Variants in CYTH2 observed in about 807,000 individuals in gnomAD.
The protein encoded by CYTH2 is cytohesin 2, also known as cytohesin-2.
CYTH2 carries 24 observed loss-of-function variants against 55.4 expected under a neutral mutation model. The observed-to-expected ratio is 0.43, with a 90% CI of 0.31 to 0.61. CYTH2 has a LOEUF of 0.61. Ranked by LOEUF, CYTH2 falls within the 20% of genes least tolerant of loss-of-function variation. The pLI, the probability that CYTH2 is intolerant of heterozygous loss-of-function variation, is 0.08. For missense variants in CYTH2, 378 were observed against 533.5 expected (o/e 0.71, Z 2.87); for synonymous variants, 221 against 209.6 (o/e 1.05, Z -0.47).
intron 8 of CYTH2, chr19:48,477,863 T>G: frequency 1.8e-6 from 1 of 555,838 alleles, no homozygotes; most frequent in Non-Finnish European, 3.2e-6. Context: ...ACTCAGAAAA[T>G]GTGGAGCCCC....
intron 1 of CYTH2, 94 bp from the exon 2 acceptor site, chr19:48,470,259 C>A (rs1192133305): frequency 2.5e-5 from 37 of 1,504,734 alleles, no homozygotes; most frequent in Non-Finnish European, 3.3e-5. Context: ...AAGCCCCTTA[C>A]ACATCCTCTC....
At position 48,478,991 on chromosome 19, in the gene CYTH2, G is replaced by A. The variant is rs553128146; in HGVS notation, c.1113-132G>A. The A allele has an allele frequency of 1.5e-4, 131 of 880,118 alleles. No homozygotes were observed. In the East Asian group the frequency reaches 3.2e-3, roughly 22 times the overall value. 54.5% of individuals were successfully genotyped at this position (880,118 alleles called of 1,614,324 possible). Reference sequence around the variant, plus strand: ...GGACTGCTGGGTCTGAGGGAGGAGGGGCCGGGGGCCTGGACTCCTGGGTCT... The same window carrying A: ...GGACTGCTGGGTCTGAGGGAGGAGGAGCCGGGGGCCTGGACTCCTGGGTCT... On this transcript the variant is annotated intron_variant, in intron 11 of 11. Coordinates refer to ENST00000452733, the MANE Select transcript of CYTH2 (RefSeq NM_004228.7).
intron 4 of CYTH2, 196 bp from the exon 5 acceptor site, chr19:48,473,102 A>G (rs1971837430): frequency 1.0e-5 from 6 of 591,584 alleles, no homozygotes; most frequent in Non-Finnish European, 1.8e-5. Flanking sequence ...CAAGCCAGAT[A>G]TTCCTCCCAA....
intron 5 of CYTH2, chr19:48,473,602 G>T: frequency 1.7e-6 from 1 of 605,398 alleles, no homozygotes; most frequent in Non-Finnish European, 2.9e-6. Context: ...GACTTTCTTT[G>T]CCTCTTGTAT....
rs751429178 is a variant in CYTH2, at chr19:48,474,963, C to A, written c.808+14C>A. Reference sequence around the variant, plus strand: ...TCCTGAAGCTGGGTACGTGCCCTCCCGACCCCGCTGGTCCCTCCGCAGGAG... The same window carrying A: ...TCCTGAAGCTGGGTACGTGCCCTCCAGACCCCGCTGGTCCCTCCGCAGGAG... On this transcript the variant is annotated intron_variant, in intron 8 of 11. Coordinates refer to ENST00000452733, the MANE Select transcript of CYTH2 (RefSeq NM_004228.7). This position sits in a 1 kb window ranked among gnomAD's most constrained non-coding sequence, Gnocchi z 4.9. 3 of 1,611,498 alleles carry A rather than the reference C, an allele frequency of 1.9e-6. No homozygotes were observed. Among genetic ancestry groups the A allele is most frequent in the Non-Finnish European group, 2.5e-6 (3 of 1,177,894 alleles).
At position 48,469,451 on chromosome 19, in the gene CYTH2, G is replaced by A. The variant is rs752626109; in HGVS notation, c.-57G>A. The A allele has an allele frequency of 5.4e-4, 714 of 1,320,184 alleles. 1 individual carries two copies. The highest frequency in any genetic ancestry group is 6.7e-4 in the Non-Finnish European group (686 of 1,026,274). The allele number at this position is 1,320,184 out of a possible 1,614,324, so 81.8% of individuals were successfully genotyped here. ...TCACCCGAGCCCGCGGGCCAACGCG[G>A]ATCCAGGCCCGACTGGCGGGACCGC... is the stretch of plus-strand genomic sequence containing the variant. On this transcript the variant is annotated 5_prime_UTR_variant, in exon 1 of 12. Transcript: ENST00000452733.
Position 48,469,409 on chromosome 19 carries a change from G to T in CYTH2, c.-99G>T. 2.4e-6 allele frequency: 3 copies of T among 1,269,830 alleles called. No homozygotes were observed. Among genetic ancestry groups the T allele is most frequent in the South Asian group, 5.0e-5 (2 of 40,232 alleles). 78.7% of individuals were successfully genotyped at this position (1,269,830 alleles called of 1,614,324 possible). The stretch of plus-strand genomic sequence containing the variant: ...CGCTGAGGAGGCGGCGGTGGCTCCC[G>T]GGGCGTTTGAGCGGGCTCACCCGAG... On this transcript the variant is annotated 5_prime_UTR_variant, in exon 1 of 12. Coordinates refer to ENST00000452733, the MANE Select transcript of CYTH2 (RefSeq NM_004228.7).
Position 48,480,452 on chromosome 19 carries a change from C to T in CYTH2, c.*1242C>T, listed in dbSNP as rs552076332. On this transcript the variant is annotated 3_prime_UTR_variant, in exon 12 of 12. Coordinates refer to ENST00000452733, the MANE Select transcript of CYTH2 (RefSeq NM_004228.7). ...TTGATCCCTGTCCCGCCCTTGGCCACAGGCACCTGCCGGCCTGAAGGCCCC... is the reference window on the plus strand; with the variant it reads ...TTGATCCCTGTCCCGCCCTTGGCCATAGGCACCTGCCGGCCTGAAGGCCCC... 4 of 152,330 alleles carry T rather than the reference C, an allele frequency of 2.6e-5. No individual in the cohort carries two copies. Among genetic ancestry groups the T allele is most frequent in the African/African-American group, 9.6e-5 (4 of 41,582 alleles). The allele number at this position is 152,330 out of a possible 1,614,324, so 9.4% of individuals were successfully genotyped here.
In CYTH2 at chr19:48,479,394, T is replaced by C. The variant is rs1972008486; in HGVS notation, c.*184T>C. The C allele has an allele frequency of 3.3e-6, 2 of 610,024 alleles. No homozygotes were observed. Among genetic ancestry groups the C allele is most frequent in the Non-Finnish European group, 2.8e-6 (1 of 351,022 alleles). 37.8% of individuals were successfully genotyped at this position (610,024 alleles called of 1,614,324 possible). A position where few individuals can be genotyped will look rare whatever the true frequency, so the allele number is the denominator to read the frequency against. ...TTAATTATTTAACCACTTGGCCTGC[T>C]GACCCCCTCATTTCTTGGGGTTGAC... On this transcript the variant is annotated 3_prime_UTR_variant, in exon 12 of 12. Transcript: ENST00000452733.
intron 3 of CYTH2, 68 bp downstream of exon 3, chr19:48,470,737 G>C: frequency 6.3e-7 from 1 of 1,583,274 alleles, no homozygotes; most frequent in Non-Finnish European, 8.7e-7. Flanking sequence ...GCACCTCCGG[G>C]TTCCAGAAGC....
At chr19:48,469,963 A>T (rs1569086884) in intron 1 of CYTH2, 4 of 551,644 alleles carry the variant, frequency 7.3e-6, no homozygotes, top group Admixed American at 2.2e-5. Flanking sequence ...CTTTTCATGG[A>T]CCCAGTAGTC....
At chr19:48,469,662 G>A in intron 1 of CYTH2, 136 bp downstream of exon 1, 1 of 1,300,662 alleles carries the variant, frequency 7.7e-7, no homozygotes, top group Non-Finnish European at 1.0e-6. Flanking sequence ...CGCCGCTTTT[G>A]TTGGGCGCTG....
At chr19:48,473,446 C>A in intron 5 of CYTH2, 68 bp downstream of exon 5, 1 of 1,507,054 alleles carries the variant, frequency 6.6e-7, no homozygotes, top group Middle Eastern at 1.7e-4. Flanking sequence ...TTACAAGTGA[C>A]AAACCTTACT....
intron 3 of CYTH2, 48 bp from the exon 4 acceptor site, chr19:48,472,277 G>T (rs1260462129): frequency 1.3e-6 from 2 of 1,565,006 alleles, no homozygotes; most frequent in Admixed American, 1.7e-5. Context: ...GAGGTGAGTG[G>T]GGTGGCTTTC....
chr19:48,480,389 GCT>G lies in CYTH2; in HGVS notation c.*1183_*1184del, dbSNP rs1008696982. ...TCCTGCCCGCTGTGTTCGCTTTTGA[GCT>G]CTCCGATGGGATGCGGCGCTTCGGA... is the stretch of plus-strand genomic sequence containing the variant. On this transcript the variant is annotated 3_prime_UTR_variant, in exon 12 of 12. Coordinates refer to ENST00000452733, the MANE Select transcript of CYTH2 (RefSeq NM_004228.7). 6.6e-6 allele frequency: 1 copy of G among 152,358 alleles called. No homozygotes were observed. Among genetic ancestry groups the G allele is most frequent in the South Asian group, 2.1e-4 (1 of 4,828 alleles). 9.4% of individuals were successfully genotyped at this position (152,358 alleles called of 1,614,324 possible). A position where few individuals can be genotyped will look rare whatever the true frequency, so the allele number is the denominator to read the frequency against.
At position 48,474,803 on chromosome 19, in the gene CYTH2, G is replaced by A; in HGVS notation, c.697-35G>A. The stretch of plus-strand genomic sequence containing the variant: ...CTGAGTAACCCTGGGGGGCCCCAGG[G>A]GGCTCGAATGGCTAATGCAGCCTTT... On this transcript the variant is annotated intron_variant, in intron 7 of 11. Transcript: ENST00000452733. The surrounding 1 kb of genome is among the most constrained non-coding windows in gnomAD (Gnocchi z 4.9). 1.9e-6 allele frequency: 3 copies of A among 1,610,528 alleles called. No individual in the cohort carries two copies. The highest frequency in any genetic ancestry group is 2.5e-6 in the Non-Finnish European group (3 of 1,177,168).
chr19:48,479,735 A>AT lies in CYTH2; in HGVS notation c.*525_*526insT. 6.4e-6 allele frequency: 1 copy of AT among 157,336 alleles called. No individual in the cohort carries two copies. Among genetic ancestry groups the AT allele is most frequent in the Non-Finnish European group, 1.4e-5 (1 of 70,786 alleles). The allele number at this position is 157,336 out of a possible 1,614,324, so 9.7% of individuals were successfully genotyped here. ...GCTTTCATGGGGCTTGAGGTCTTTG[A>AT]GGGGCAGGAGATGAAGCTGGTGAGG... is the stretch of plus-strand genomic sequence containing the variant. On this transcript the variant is annotated 3_prime_UTR_variant, in exon 12 of 12. Transcript: ENST00000452733.
intron 4 of CYTH2, chr19:48,472,808 G>A (rs910724249): frequency 8.1e-6 from 3 of 370,526 alleles, no homozygotes; most frequent in African/African-American, 2.1e-5. Flanking sequence ...TGTGGGGACC[G>A]CTGGGCCCTT....
At chr19:48,475,570 A>G (rs1308596330) in intron 8 of CYTH2, 2 of 155,728 alleles carry the variant, frequency 1.3e-5, no homozygotes, top group Non-Finnish European at 2.8e-5. Context: ...AGTCTTCGTC[A>G]TAACACGTGG....
Sources: gnomAD v4.1 joint callset for allele counts on GRCh38, gnomAD v4.1.1 for gene constraint, Gnocchi (gnomAD v3.1) non-coding constraint, MANE v1.5 for transcripts, NCBI Gene and HGNC (gene_info 2026-07-23, HGNC 2026-07-21) for gene names.